PAX7: variants seen among roughly 807,000 people sequenced by gnomAD.
PAX7 encodes the protein paired box 7.
PAX7 carries 18 observed loss-of-function variants against 50.7 expected under a neutral mutation model. That is an observed-to-expected ratio of 0.36 (90% confidence interval 0.25 to 0.53). The LOEUF is 0.53. Ranked by LOEUF, PAX7 falls within the 20% of genes least tolerant of loss-of-function variation. The probability of loss-of-function intolerance (pLI) is 0.93; values close to 1 mark genes in which losing one functional copy is unlikely to be tolerated. For synonymous variants in PAX7, 310 were observed against 290.4 expected (o/e 1.07, Z -0.69); for missense variants, 644 against 702.9 (o/e 0.92, Z 0.95).
rs113216529 is a variant in PAX7 at position 18,655,181 on chromosome 1, G to C, written c.586+18810G>C. Among the ~76,000 whole-genome samples, 1,320 of 152,274 alleles carry C rather than the reference G, an allele frequency of 8.7e-3. 15 individuals are homozygous for C. Among genetic ancestry groups the C allele is most frequent in the African/African-American group, 0.028 (1,149 of 41,554 alleles). On this transcript the variant is annotated intron_variant, in intron 4 of 8. Coordinates refer to ENST00000420770, the MANE Select transcript of PAX7 (RefSeq NM_001135254.2). ...GACTGTTATTTTCAATGAAGACAAT[G>C]TGACTCCTTTCCAGGGGCCAGAAGC...
intron 5 of PAX7, 35 bp downstream of exon 5, chr1:18,691,988 A>C (rs1302146834): frequency 6.3e-7 from 1 of 1,587,972 alleles, no homozygotes; most frequent in South Asian, 1.1e-5. Context: ...TGCTGCAGAT[A>C]TACTCCAGAG....
At chr1:18,689,791 T>C (rs1333301079) in intron 4 of PAX7, among the ~76,000 whole-genome samples, 1 of 152,254 alleles carries the variant, frequency 6.6e-6, no homozygotes, top group African/African-American at 2.4e-5. Flanking sequence ...GGCGTTTGCA[T>C]GTGCTCTCCT....
intron 7 of PAX7, among the ~76,000 whole-genome samples, chr1:18,724,536 G>A (rs1307952261): frequency 6.6e-6 from 1 of 152,212 alleles, no homozygotes; most frequent in East Asian, 1.9e-4. Flanking sequence ...CTAACAGACT[G>A]TCCTATGAAG....
intron 7 of PAX7, among the ~76,000 whole-genome samples, chr1:18,732,291 T>C (rs2089656109): frequency 6.6e-6 from 1 of 152,268 alleles, no homozygotes; most frequent in Non-Finnish European, 1.5e-5. Context: ...TTTTCATGGC[T>C]GTGTCCCCAG....
chr1:18,743,999 GCA>G (rs2100420185), intron 8 of PAX7, among the ~76,000 whole-genome samples: 1 of 152,228 alleles, frequency 6.6e-6, no homozygotes, highest in African/African-American at 2.4e-5. Flanking sequence ...CCACTCTCAG[GCA>G]CACACACCCT....
intron 7 of PAX7, among the ~76,000 whole-genome samples, chr1:18,716,111 A>G (rs1027228183): frequency 4.6e-5 from 7 of 150,656 alleles, no homozygotes; most frequent in Admixed American, 6.6e-5. Flanking sequence ...CTTCTCCAAC[A>G]CCTTTTTCAG....
rs184427844 is a variant in PAX7 at position 18,632,027 on chromosome 1, G to A, written c.85+339G>A. Among the ~76,000 whole-genome samples, 360 of 152,228 alleles carry A rather than the reference G, an allele frequency of 2.4e-3. 3 individuals are homozygous for A. The highest frequency in any genetic ancestry group is 8.1e-3 in the African/African-American group (335 of 41,532). ...CACTATTTCCAGACACTTCTTCCCT[G>A]ACAGTTTCTCGGCTCTCCTGGCTCG... On this transcript the variant is annotated intron_variant, in intron 1 of 8. Coordinates refer to ENST00000420770, the MANE Select transcript of PAX7 (RefSeq NM_001135254.2). The surrounding 1 kb of genome is among the most constrained non-coding windows in gnomAD (Gnocchi z 6.3).
Position 18,746,604 on chromosome 1 carries a change from CTGTT to C in PAX7, c.*1679_*1682del, listed in dbSNP as rs1931451821. 1 of 231,354 alleles carries C rather than the reference CTGTT, an allele frequency of 4.3e-6. No individual in the cohort carries two copies. The highest frequency in any genetic ancestry group is 6.1e-5 in the East Asian group (1 of 16,344). The allele number at this position is 231,354 out of a possible 1,614,324, so 14.3% of individuals were successfully genotyped here. On this transcript the variant is annotated 3_prime_UTR_variant, in exon 9 of 9. Transcript: ENST00000420770. ...CTGAATTCACAAACATTGGACCAAA[CTGTT>C]TGTCCCCATCTGGGTTCATGAGGCC... is the stretch of plus-strand genomic sequence containing the variant.
intron 7 of PAX7, among the ~76,000 whole-genome samples, chr1:18,732,147 C>A (rs1173832936): frequency 6.6e-6 from 1 of 152,166 alleles, no homozygotes. Context: ...GAGGTCTTGC[C>A]TGACTGCCCC....
chr1:18,702,334 A>G (rs2089233398), intron 6 of PAX7, among the ~76,000 whole-genome samples: 1 of 151,938 alleles, frequency 6.6e-6, no homozygotes, highest in Admixed American at 6.6e-5. Flanking sequence ...GTGAGACTCC[A>G]TCTCAAAAAA....
intron 8 of PAX7, among the ~76,000 whole-genome samples, chr1:18,737,736 A>G (rs561030756): frequency 5.9e-5 from 9 of 152,252 alleles, no homozygotes; most frequent in Non-Finnish European, 1.2e-4. Flanking sequence ...GCACACATAT[A>G]TGTAAGTATA....
At chr1:18,673,849 T>C (rs1053468746) in intron 4 of PAX7, among the ~76,000 whole-genome samples, 1 of 152,198 alleles carries the variant, frequency 6.6e-6, no homozygotes, top group Non-Finnish European at 1.5e-5. Context: ...TCTGAGCAGC[T>C]GAGACATCTG....
chr1:18,657,028 A>C (rs559184876), intron 4 of PAX7, among the ~76,000 whole-genome samples: 1 of 152,278 alleles, frequency 6.6e-6, no homozygotes, highest in African/African-American at 2.4e-5. Context: ...TCATGTCAAG[A>C]AGTGAGTTAA....
intron 5 of PAX7, among the ~76,000 whole-genome samples, chr1:18,698,590 A>T (rs2089177642): frequency 6.6e-6 from 1 of 152,210 alleles, no homozygotes; most frequent in South Asian, 2.1e-4. Flanking sequence ...ACACTGAATT[A>T]GTACAAAGAC....
At chr1:18,702,441 C>T (rs1013565465) in intron 6 of PAX7, among the ~76,000 whole-genome samples, 6 of 152,134 alleles carry the variant, frequency 3.9e-5, no homozygotes, top group Admixed American at 6.5e-5. Context: ...GTCAAAGAGC[C>T]CCCTCCAGCA....
chr1:18,654,405 G>C (rs1190743834), intron 4 of PAX7, among the ~76,000 whole-genome samples: 1 of 152,212 alleles, frequency 6.6e-6, no homozygotes, highest in Non-Finnish European at 1.5e-5. Context: ...GGAGGGGCTG[G>C]AATCCCAGCT....
At chr1:18,679,562 C>T (rs1055279647) in intron 4 of PAX7, among the ~76,000 whole-genome samples, 10 of 152,280 alleles carry the variant, frequency 6.6e-5, no homozygotes, top group Non-Finnish European at 1.2e-4. Flanking sequence ...GCTTCCTGGG[C>T]GTCTGTCTTC....
chr1:18,701,368 G>C (rs1419386290), intron 6 of PAX7, among the ~76,000 whole-genome samples: 1 of 151,836 alleles, frequency 6.6e-6, no homozygotes, highest in African/African-American at 2.4e-5. Context: ...GTGCGTATGA[G>C]TGAGTGAATG....
chr1:18,714,238 T>TAAATAAAC (rs1229915522), intron 7 of PAX7, among the ~76,000 whole-genome samples: 13 of 150,876 alleles, frequency 8.6e-5, no homozygotes, highest in African/African-American at 2.7e-4. Context: ...AATAAATAAA[T>TAAATAAAC]ATACAAAAAC....
Sources: gnomAD v4.1 joint callset for allele counts (sites outside exome capture counted in the v4.1 genomes callset) on GRCh38, gnomAD v4.1.1 for gene constraint, Gnocchi (gnomAD v3.1) non-coding constraint, MANE v1.5 for transcripts, NCBI Gene and HGNC (gene_info 2026-07-23, HGNC 2026-07-21) for gene names.